Variants in HPS4 observed in about 807,000 individuals in gnomAD.
HPS4 encodes BLOC-3 complex member HPS4.
A neutral mutation model predicts 70.3 loss-of-function variants in HPS4; 44 were observed. The observed-to-expected ratio is 0.63, with a 90% confidence interval of 0.49 to 0.80. The LOEUF is 0.80. HPS4 is among the 30% of genes least tolerant of loss of function. The pLI, the probability that HPS4 is intolerant of heterozygous loss-of-function variation, is 0.00. For missense variants in HPS4, 873 were observed against 884.4 expected, an observed-to-expected ratio of 0.99 and a Z score of 0.16; for synonymous variants, 377 against 355.9, an observed-to-expected ratio of 1.06 and a Z score of -0.67.
At chr22:26,464,911 G>C (rs1396494254) in intron 10 of HPS4, 85 bp from the exon 11 acceptor site, 10 of 1,319,524 alleles carry the variant, frequency 7.6e-6, no homozygotes, top group Admixed American at 4.8e-5. Flanking sequence ...TAAAGCACAG[G>C]CATCAAGGAC....
downstream of HPS4, among the ~76,000 whole-genome samples, chr22:26,450,417 G>A (rs1407411432): frequency 1.3e-5 from 2 of 152,228 alleles, no homozygotes; most frequent in Non-Finnish European, 2.9e-5. Flanking sequence ...ACACCATGGA[G>A]GGCGACTTCA....
intron 3 of HPS4, among the ~76,000 whole-genome samples, chr22:26,445,418 C>T (rs1204294489): frequency 6.6e-6 from 1 of 152,078 alleles, no homozygotes; most frequent in African/African-American, 2.4e-5. Context: ...AGGCGGGTCA[C>T]TAGAATTGAT....
chr22:26,477,153 CATTCCAGATAGGAAGCTGAA>C lies in HPS4; in HGVS notation c.133-37_133-18del, dbSNP rs1371525217. Reference sequence around the variant, plus strand: ...TAGCAGGGTCTGTGGGAAAGGAGCACATTCCAGATAGGAAGCTGAAATTCTTGAACTCTTAAGTCATTTCT... The same window carrying C: ...TAGCAGGGTCTGTGGGAAAGGAGCACATTCTTGAACTCTTAAGTCATTTCT... On this transcript the variant is annotated intron_variant, in intron 3 of 13. Coordinates refer to ENST00000398145, the MANE Select transcript of HPS4 (RefSeq NM_022081.6). 1 of 1,614,088 alleles carries C rather than the reference CATTCCAGATAGGAAGCTGAA, an allele frequency of 6.2e-7. No homozygotes were observed. Among genetic ancestry groups the C allele is most frequent in the Non-Finnish European group, 8.5e-7 (1 of 1,179,946 alleles).
rs769325136 is a variant in HPS4, at chr22:26,463,923, C to T, written c.1707G>A (p.Glu569=). 1.2e-6 allele frequency: 2 copies of T among 1,613,200 alleles called. No homozygotes were observed. Among genetic ancestry groups the T allele is most frequent in the African/African-American group, 2.7e-5 (2 of 74,920 alleles). The change falls in exon 11 of 14, where the codon GAG becomes GAA. Residue 569 remains glutamate (E), a synonymous_variant. Transcript: ENST00000398145. ...AAGGTCTGAGGACACTCACCACTTCCTCTATGGCTGCGCTGTCTCCCAGCA... is the reference window on the plus strand; with the variant it reads ...AAGGTCTGAGGACACTCACCACTTCTTCTATGGCTGCGCTGTCTCCCAGCA... ...EPLLGDSAAI[E]EVYHSSLASL...
intron 8 of HPS4, 103 bp from the exon 9 acceptor site, chr22:26,466,365 G>A (rs1318198275): frequency 1.2e-5 from 16 of 1,311,632 alleles, no homozygotes; most frequent in African/African-American, 1.4e-5. Context: ...ACTTAGCCAG[G>A]CCCAGAAAGC....
At chr22:26,465,740 T>C in intron 9 of HPS4, 189 bp from the exon 10 acceptor site, 1 of 608,150 alleles carries the variant, frequency 1.6e-6, no homozygotes, top group Non-Finnish European at 2.9e-6. Flanking sequence ...AAGGAAAGAG[T>C]CCCTGCAGGC....
intron 7 of HPS4, 30 bp downstream of exon 7, chr22:26,470,689 G>A (rs1340417370): frequency 6.2e-7 from 1 of 1,603,852 alleles, no homozygotes; most frequent in Non-Finnish European, 8.5e-7. Flanking sequence ...AGGGAATGGG[G>A]CTGGAAGAAA....
At position 26,464,722 on chromosome 22, in the gene HPS4, G is replaced by T; in HGVS notation, c.908C>A (p.Ser303Tyr). Residue 303 changes from serine to tyrosine, a missense_variant, in exon 11 of 14, where the codon TCC (serine) becomes TAC (tyrosine). Physicochemically the swap from Ser to Tyr is moderately radical, Grantham distance 144. Transcript: ENST00000398145. ...GGGATCTGGGGTGGTCCAGGCCATGGATTCCACATGGCCAGTGGCGTTTTC... is the reference window on the plus strand; with the variant it reads ...GGGATCTGGGGTGGTCCAGGCCATGTATTCCACATGGCCAGTGGCGTTTTC... ...LKENATGHVE[S>Y]MAWTTPDPTS... is the part of the protein sequence containing the mutation. 1 of 1,600,770 alleles carries T rather than the reference G, an allele frequency of 6.2e-7. No individual in the cohort carries two copies. Among genetic ancestry groups the T allele is most frequent in the Non-Finnish European group, 8.5e-7 (1 of 1,171,854 alleles).
rs150634148 is a variant in HPS4, at chr22:26,457,730, A to C, written c.1955+129T>G. ...TGGCGGCAATAGGAACCGACAAAGG[A>C]AGGCCTTAAGGAGAGTAACTAGAAT... is the stretch of plus-strand genomic sequence containing the variant. On this transcript the variant is annotated intron_variant, in intron 13 of 13. Coordinates refer to ENST00000398145, the MANE Select transcript of HPS4 (RefSeq NM_022081.6). 5.0e-3 allele frequency: 3,606 copies of C among 725,798 alleles called. 17 individuals carry two copies. Among genetic ancestry groups the C allele is most frequent in the Non-Finnish European group, 6.8e-3 (2,732 of 403,430 alleles). 45.0% of individuals were successfully genotyped at this position (725,798 alleles called of 1,614,324 possible). A position where few individuals can be genotyped will look rare whatever the true frequency, so the allele number is the denominator to read the frequency against.
rs373782229 is a variant in HPS4 at position 26,461,032 on chromosome 22, C to A, written c.1714-2455G>T. On this transcript the variant is annotated intron_variant, in intron 11 of 13. Transcript: ENST00000398145. ...AATGTTTGCCAGCCACCGATATATA[C>A]TGCTACATAATGTGATCCTCACAAC... 1.1e-4 allele frequency among the ~76,000 whole-genome samples: 17 copies of A among 152,356 alleles called. No individual in the cohort carries two copies. The East Asian group carries it at 3.3e-3, about 29-fold the overall frequency.
chr22:26,474,643 C>T (rs5752331), intron 4 of HPS4, among the ~76,000 whole-genome samples: 123,925 of 152,090 alleles, frequency 0.81, 51,235 homozygotes, highest in South Asian at 0.89. Context: ...AGAAAATTAA[C>T]AGGCATGCCA....
rs3752589 is a variant in HPS4, at chr22:26,451,620, G to T, written c.*1613C>A. The T allele has an allele frequency of 0.89, 135,090 of 152,260 alleles. 60,489 individuals carry two copies. The highest frequency in any genetic ancestry group is 0.95 in the Non-Finnish European group (64,756 of 68,062). The allele number at this position is 152,260 out of a possible 1,614,324, so 9.4% of individuals were successfully genotyped here. A position where few individuals can be genotyped will look rare whatever the true frequency, so the allele number is the denominator to read the frequency against. ...CAAATGACATTATAAAGTTGTCTTC[G>T]CTGGCCTGGTACTGGGGACCACTGG... is the stretch of plus-strand genomic sequence containing the variant. On this transcript the variant is annotated 3_prime_UTR_variant, in exon 14 of 14. Coordinates refer to ENST00000398145, the MANE Select transcript of HPS4 (RefSeq NM_022081.6).
At position 26,472,288 on chromosome 22, in the gene HPS4, G is replaced by A. The variant is rs762136091; in HGVS notation, c.501+14C>T. 9 of 1,404,366 alleles carry A rather than the reference G, an allele frequency of 6.4e-6. No individual in the cohort carries two copies. Among genetic ancestry groups the A allele is most frequent in the Non-Finnish European group, 9.1e-6 (9 of 988,770 alleles). The allele number at this position is 1,404,366 out of a possible 1,614,324, so 87.0% of individuals were successfully genotyped here. On this transcript the variant is annotated intron_variant, in intron 6 of 13. Transcript: ENST00000398145. ...TCTTACATATAAAATGAATAAGGAG[G>A]ATGAAAATGTTACTTTAGTTTGGTC...
At chr22:26,479,517 A>G in intron 2 of HPS4, 162 bp from the exon 3 acceptor site, 1 of 1,441,558 alleles carries the variant, frequency 6.9e-7, no homozygotes, top group Non-Finnish European at 9.1e-7. Flanking sequence ...CAAATTAGAT[A>G]AAACCATTCT....
intron 3 of HPS4, 35 bp from the exon 4 acceptor site, chr22:26,477,171 G>T: frequency 6.2e-7 from 1 of 1,612,840 alleles, no homozygotes; most frequent in Non-Finnish European, 8.5e-7. Context: ...ATAGGAAGCT[G>T]AAATTCTTGA....
Position 26,463,932 on chromosome 22 carries a change from T to G in HPS4, c.1698A>C (p.Ala566=), listed in dbSNP as rs768513194. 1.1e-5 allele frequency: 18 copies of G among 1,613,584 alleles called. No individual in the cohort carries two copies. Among genetic ancestry groups the G allele is most frequent in the Non-Finnish European group, 1.5e-5 (18 of 1,180,014 alleles). ...GGACACTCACCACTTCCTCTATGGC[T>G]GCGCTGTCTCCCAGCAGCGGCTCCT... ...LAEEPLLGDS[A]AIEEVYHSSL... The change falls in exon 11 of 14, where the codon GCA becomes GCC. Residue 566 remains alanine (A), a synonymous_variant. Transcript: ENST00000398145.
exon 4 of HPS4, chr22:26,444,539 C>G (rs1601711308): frequency 6.6e-6 from 1 of 152,220 alleles, no homozygotes; most frequent in East Asian, 1.9e-4. Context: ...GAAAGCGTAG[C>G]CGGCCAGCCA....
At chr22:26,476,767 G>A in intron 4 of HPS4, 1 of 529,130 alleles carries the variant, frequency 1.9e-6, no homozygotes, top group South Asian at 2.1e-5. Context: ...TGAAAGGAAA[G>A]GAGAAACCAG....
At chr22:26,482,840 C>T (rs375890803) in intron 1 of HPS4, 15 of 152,380 alleles carry the variant, frequency 9.8e-5, no homozygotes, top group African/African-American at 3.6e-4. Context: ...CCAGATTTTA[C>T]ATCTGCCTCC....
Sources: gnomAD v4.1 joint callset for allele counts (sites outside exome capture counted in the v4.1 genomes callset) on GRCh38, gnomAD v4.1.1 for gene constraint, MANE v1.5 for transcripts, NCBI Gene and HGNC (gene_info 2026-07-23, HGNC 2026-07-21) for gene names.